Variants in ALK observed in about 807,000 individuals in gnomAD.
ALK encodes the protein ALK tyrosine kinase receptor.
In ALK, 74 loss-of-function variants were observed where a neutral mutation model predicts 163.1. The observed-to-expected ratio is 0.45, with a 90% confidence interval of 0.38 to 0.55. The LOEUF is 0.55. ALK is among the 20% of genes least tolerant of loss of function. The pLI is 0.00. For missense variants in ALK, 2,063 were observed against 2,105.3 expected (o/e 0.98, Z 0.39); for synonymous variants, 960 against 843.2 (o/e 1.14, Z -2.40).
At chr2:29,807,897 T>C (rs115887173) in intron 1 of ALK, among the ~76,000 whole-genome samples, 4,281 of 152,270 alleles carry the variant, frequency 0.028, 75 homozygotes, top group Non-Finnish European at 0.044. Flanking sequence ...TTTAATTCTC[T>C]TTTAACCCTT....
rs144639127 is a variant in ALK, at chr2:29,683,039, C to T, written c.952+11811G>A. ...AGAATCAACTAGGAAAGGAGTAATA[C>T]TCAACATATGTACTTACGAGTAATA... On this transcript the variant is annotated intron_variant, in intron 3 of 28. Transcript: ENST00000389048. Among the ~76,000 whole-genome samples the T allele has an allele frequency of 5.0e-3, 766 of 152,242 alleles. 13 individuals are homozygous for T. Among genetic ancestry groups the T allele is most frequent in the African/African-American group, 0.017 (705 of 41,546 alleles).
chr2:29,879,140 G>T lies in ALK; in HGVS notation c.667+40853C>A, dbSNP rs143921486. 2.9e-3 allele frequency among the ~76,000 whole-genome samples: 445 copies of T among 152,254 alleles called. 1 individual carries two copies. The highest frequency in any genetic ancestry group is 0.01 in the African/African-American group (424 of 41,546). On this transcript the variant is annotated intron_variant, in intron 1 of 28. Coordinates refer to ENST00000389048, the MANE Select transcript of ALK (RefSeq NM_004304.5). ...CCCTGCGTGGTACTAAAGGGCTACT[G>T]TCCACACATAGCCTATGCCTGCATG...
intron 3 of ALK, among the ~76,000 whole-genome samples, chr2:29,543,079 T>A (rs6547943): frequency 6.6e-6 from 1 of 151,822 alleles, no homozygotes; most frequent in Non-Finnish European, 1.5e-5. Flanking sequence ...ATAAATTTAT[T>A]TATGTGCAAA....
Position 29,562,078 on chromosome 2 carries a change from C to A in ALK, c.953-29962G>T, listed in dbSNP as rs529375984. On this transcript the variant is annotated intron_variant, in intron 3 of 28. Coordinates refer to ENST00000389048, the MANE Select transcript of ALK (RefSeq NM_004304.5). ...AGGCCAAGCAAAGTTTATAACCAAT[C>A]CCCTTCCCAACTAGGTCCAGCATCC... 5.9e-5 allele frequency among the ~76,000 whole-genome samples: 9 copies of A among 152,306 alleles called. No homozygotes were observed. The South Asian group carries it at 1.9e-3, about 32-fold the overall frequency.
intron 4 of ALK, among the ~76,000 whole-genome samples, chr2:29,522,508 C>T (rs1350907952): frequency 6.6e-6 from 1 of 152,126 alleles, no homozygotes; most frequent in African/African-American, 2.4e-5. Context: ...CCCTGTCTTT[C>T]ATGTGTTGGC....
intron 1 of ALK, among the ~76,000 whole-genome samples, chr2:29,751,829 G>A (rs1680373757): frequency 6.6e-6 from 1 of 152,176 alleles, no homozygotes; most frequent in African/African-American, 2.4e-5. Flanking sequence ...CTGTCCTCTT[G>A]TTCAACCAAT....
intron 11 of ALK, 41 bp downstream of exon 11, chr2:29,275,058 C>T: frequency 6.2e-7 from 1 of 1,613,506 alleles, no homozygotes; most frequent in South Asian, 1.1e-5. Context: ...CCTTTTGCAA[C>T]AAGAAGTTAC....
At chr2:29,213,089 T>C (rs979319751) in intron 24 of ALK, among the ~76,000 whole-genome samples, 1 of 152,268 alleles carries the variant, frequency 6.6e-6, no homozygotes, top group Admixed American at 6.5e-5. Context: ...AGAAGACATG[T>C]GTTAATAAAT....
intron 3 of ALK, among the ~76,000 whole-genome samples, chr2:29,628,348 T>G (rs1328241125): frequency 6.6e-6 from 1 of 152,204 alleles, no homozygotes; most frequent in African/African-American, 2.4e-5. Context: ...ATGAATCACA[T>G]GTGCTCTCTA....
intron 1 of ALK, among the ~76,000 whole-genome samples, chr2:29,852,690 C>G (rs1441354307): frequency 6.6e-6 from 1 of 152,048 alleles, no homozygotes; most frequent in African/African-American, 2.4e-5. Flanking sequence ...GTTTGTGTAC[C>G]CCCAAAATTT....
chr2:29,774,925 T>C (rs1328312076), intron 1 of ALK, among the ~76,000 whole-genome samples: 1 of 152,174 alleles, frequency 6.6e-6, no homozygotes, highest in Non-Finnish European at 1.5e-5. Flanking sequence ...GAATCGGGGA[T>C]GGGTTAATGT....
At chr2:29,421,683 C>T (rs928288583) in intron 4 of ALK, among the ~76,000 whole-genome samples, 10 of 151,628 alleles carry the variant, frequency 6.6e-5, no homozygotes, top group East Asian at 1.9e-4. Context: ...CACTGTCTCA[C>T]GTTCAGCCTG....
chr2:29,781,374 T>A (rs17008727), intron 1 of ALK, among the ~76,000 whole-genome samples: 4,568 of 152,258 alleles, frequency 0.03, 82 homozygotes, highest in East Asian at 0.08. Flanking sequence ...TCTGGGCTTC[T>A]CCCAGGCTTA....
intron 1 of ALK, among the ~76,000 whole-genome samples, chr2:29,718,427 C>T (rs866647987): frequency 6.6e-6 from 1 of 152,218 alleles, no homozygotes; most frequent in South Asian, 2.1e-4. Flanking sequence ...TAACACAGTG[C>T]TTCCCAGAAA....
At chr2:29,274,967 G>A in intron 11 of ALK, 132 bp downstream of exon 11, 3 of 1,200,740 alleles carry the variant, frequency 2.5e-6, no homozygotes, top group Non-Finnish European at 3.7e-6. Context: ...TAGTCAGAGT[G>A]TAGGTGATAC....
In ALK at chr2:29,222,517, C is replaced by A. The variant is rs1558622960; in HGVS notation, c.3450G>T (p.Lys1150Asn). The A allele has an allele frequency of 1.2e-6, 2 of 1,614,128 alleles. No individual in the cohort carries two copies. The highest frequency in any genetic ancestry group is 3.3e-5 in the Admixed American group (2 of 60,024). The stretch of plus-strand genomic sequence containing the variant: ...GGCTCAAGAGTGAGCCACTTCTTAC[C>A]TTCACAGCCACTTGCAGGGGGCTTG... Reference protein sequence around the residue: ...NDPSPLQVAVKTLPEVCSEQD... With the variant: ...NDPSPLQVAVNTLPEVCSEQD... The change falls in exon 21 of 29, where the codon AAG becomes AAT. Residue 1150 changes from lysine to asparagine, a missense_variant and splice_region_variant. Around this residue, in one of 5 missense-constraint regions of ALK, gnomAD observed 575 missense variants for 626.6 expected, o/e 0.92. Transcript: ENST00000389048.
intron 3 of ALK, among the ~76,000 whole-genome samples, chr2:29,600,903 G>A (rs1468450010): frequency 1.3e-5 from 2 of 152,188 alleles, no homozygotes; most frequent in African/African-American, 2.4e-5. Flanking sequence ...TCTACTGGGG[G>A]TTAGCAGCAA....
chr2:29,626,164 G>C (rs1676188666), intron 3 of ALK, among the ~76,000 whole-genome samples: 1 of 152,162 alleles, frequency 6.6e-6, no homozygotes, highest in African/African-American at 2.4e-5. Context: ...ATGGTATTTG[G>C]AGGTGGGACC....
At chr2:29,622,416 A>G (rs1202838282) in intron 3 of ALK, among the ~76,000 whole-genome samples, 1 of 152,178 alleles carries the variant, frequency 6.6e-6, no homozygotes, top group Non-Finnish European at 1.5e-5. Context: ...CAAAAGTGGA[A>G]AGCCCTAAAT....
Sources: allele counts gnomAD v4.1 joint callset (sites outside exome capture counted in the v4.1 genomes callset), GRCh38; gene constraint gnomAD v4.1.1; regional missense constraint gnomAD v4.1.1; transcripts MANE v1.5; gene names NCBI Gene and HGNC (gene_info 2026-07-23, HGNC 2026-07-21).